Variants in PCDHGB3 observed in about 807,000 individuals in gnomAD.
PCDHGB3 encodes protocadherin gamma subfamily B, 3, also known as protocadherin gamma-B3.
In PCDHGB3, 40 loss-of-function variants were observed where a neutral mutation model predicts 59.2. That is an observed-to-expected ratio of 0.68 (90% confidence interval 0.52 to 0.88). PCDHGB3 has a LOEUF of 0.88. Among genes scored for constraint, PCDHGB3 ranks in the 40% least tolerant of loss-of-function variants. The probability of loss-of-function intolerance (pLI) is 0.00; values close to 1 mark genes in which losing one functional copy is unlikely to be tolerated. For missense variants in PCDHGB3, 1,309 were observed against 1,187.9 expected, an observed-to-expected ratio of 1.10 and a Z score of -1.50; for synonymous variants, 581 against 503.6, an observed-to-expected ratio of 1.15 and a Z score of -2.06.
At chr5:141,414,949 G>C (rs774769957) in intron 1 of PCDHGB3, 13 of 1,613,978 alleles carry the variant, frequency 8.1e-6, no homozygotes, top group African/African-American at 1.3e-5. Context: ...CGGCTACCTG[G>C]TGACCAAGGT....
chr5:141,404,314 A>G (rs772060934), intron 1 of PCDHGB3: 1 of 1,613,922 alleles, frequency 6.2e-7, no homozygotes, highest in East Asian at 2.2e-5. Context: ...CTTTCTCTCA[A>G]GCCTCCTACT....
chr5:141,505,705 GAA>G (rs1250788277), intron 3 of PCDHGB3, among the ~76,000 whole-genome samples: 1 of 152,198 alleles, frequency 6.6e-6, no homozygotes, highest in Non-Finnish European at 1.5e-5. Flanking sequence ...AGCGAACAAG[GAA>G]AAGACTCATG....
chr5:141,443,443 G>A (rs2098388456), intron 1 of PCDHGB3, among the ~76,000 whole-genome samples: 1 of 152,124 alleles, frequency 6.6e-6, no homozygotes, highest in African/African-American at 2.4e-5. Flanking sequence ...CTGTGGTTGC[G>A]CTCCTGTACT....
intron 2 of PCDHGB3, 40 bp from the exon 3 acceptor site, chr5:141,505,353 G>T (rs376781305): frequency 1.7e-5 from 27 of 1,613,426 alleles, no homozygotes; most frequent in Non-Finnish European, 2.0e-5. Flanking sequence ...GAGCTGTGCC[G>T]GCCTGGGAGT....
At chr5:141,428,750 C>G (rs1282306626) in intron 1 of PCDHGB3, 1 of 154,730 alleles carries the variant, frequency 6.5e-6, no homozygotes, top group African/African-American at 2.4e-5. Flanking sequence ...ACTATTGCTT[C>G]AGGTTTGTTT....
chr5:141,421,078 C>T (rs11575964), intron 1 of PCDHGB3: 20,754 of 627,892 alleles, frequency 0.033, 387 homozygotes, highest in Middle Eastern at 0.088. Context: ...GAGATGGATA[C>T]TCACAGATCC....
rs776990176 is a variant in PCDHGB3 at position 141,485,136 on chromosome 5, C to A, written c.2416-9671C>A. ...GTTTGGGGCGGGTCGGCTTCATCCG[C>A]GTCTCAGGAGCAAGTAGAGAATTAG... On this transcript the variant is annotated intron_variant, in intron 1 of 3. Transcript: ENST00000576222. The surrounding 1 kb of genome is among the most constrained non-coding windows in gnomAD (Gnocchi z 5.7). The A allele has an allele frequency of 4.0e-6, 6 of 1,502,706 alleles. No individual in the cohort carries two copies. The South Asian group carries it at 5.9e-5, about 15-fold the overall frequency. The allele number at this position is 1,502,706 out of a possible 1,614,324, so 93.1% of individuals were successfully genotyped here.
chr5:141,481,877 G>A (rs535267598), intron 1 of PCDHGB3, among the ~76,000 whole-genome samples: 4 of 144,402 alleles, frequency 2.8e-5, no homozygotes, highest in African/African-American at 7.8e-5. Context: ...TCGCGCCACT[G>A]CACTCCAGCC....
At chr5:141,403,334 G>T (rs2094392979) in intron 1 of PCDHGB3, 2 of 1,613,972 alleles carry the variant, frequency 1.2e-6, no homozygotes, top group Non-Finnish European at 1.7e-6. Flanking sequence ...TGATATTAAC[G>T]ACAGCGCCCC....
intron 1 of PCDHGB3, chr5:141,385,673 C>T (rs1253807650): frequency 2.6e-6 from 1 of 384,964 alleles, no homozygotes; most frequent in Non-Finnish European, 3.8e-6. Context: ...TAAAACACAC[C>T]TCAGCTGTCT....
intron 1 of PCDHGB3, among the ~76,000 whole-genome samples, chr5:141,438,036 C>T (rs1299733977): frequency 4.6e-5 from 7 of 152,026 alleles, no homozygotes; most frequent in South Asian, 2.1e-4. Flanking sequence ...CCACCATGCC[C>T]GACCACTTTG....
intron 3 of PCDHGB3, among the ~76,000 whole-genome samples, chr5:141,508,855 C>T (rs2099872444): frequency 6.6e-6 from 1 of 152,020 alleles, no homozygotes; most frequent in Non-Finnish European, 1.5e-5. Flanking sequence ...CATTCCCAGG[C>T]TGGGAAAGGC....
intron 1 of PCDHGB3, chr5:141,383,383 G>A: frequency 6.2e-7 from 1 of 1,614,036 alleles, no homozygotes; most frequent in Non-Finnish European, 8.5e-7. Flanking sequence ...GGATCCAGAT[G>A]TGGGCACGAA....
At position 141,372,359 on chromosome 5, in the gene PCDHGB3, A is replaced by T; in HGVS notation, c.1965A>T (p.Ser655=). The change falls in exon 1 of 4, where the codon TCA becomes TCT. Residue 655 remains serine, a synonymous_variant. Coordinates refer to ENST00000576222, the MANE Select transcript of PCDHGB3 (RefSeq NM_018924.5). ...GTGATGGAGGACAGCAGCCTCTTTC[A>T]GCCACCGTCATGCTGCACCTAATCT... ...TVRDGGQQPL[S]ATVMLHLIFA... 6.2e-7 allele frequency: 1 copy of T among 1,613,954 alleles called. No homozygotes were observed. The highest frequency in any genetic ancestry group is 8.5e-7 in the Non-Finnish European group (1 of 1,179,908).
chr5:141,422,670 C>CA (rs754910458), intron 1 of PCDHGB3: 6 of 1,607,126 alleles, frequency 3.7e-6, no homozygotes, highest in Non-Finnish European at 1.7e-6. Flanking sequence ...TCGACCCGGA[C>CA]AGCAAACAGA....
chr5:141,506,177 G>T (rs1024892091), intron 3 of PCDHGB3, among the ~76,000 whole-genome samples: 4 of 152,142 alleles, frequency 2.6e-5, no homozygotes, highest in African/African-American at 9.7e-5. Context: ...TAAGCTGGGC[G>T]TGGTGGCTCA....
chr5:141,395,558 G>A (rs60237573), intron 1 of PCDHGB3: 1 of 127,936 alleles, frequency 7.8e-6, no homozygotes, highest in South Asian at 2.0e-4. Flanking sequence ...GTGTGTGTGT[G>A]TGTGTGTGTG....
At position 141,477,020 on chromosome 5, in the gene PCDHGB3, G is replaced by A; in HGVS notation, c.2416-17787G>A. The A allele has an allele frequency of 6.2e-7, 1 of 1,614,224 alleles. No individual in the cohort carries two copies. Among genetic ancestry groups the A allele is most frequent in the Non-Finnish European group, 8.5e-7 (1 of 1,180,048 alleles). ...ACTATTCGCCTTAGACCTTGTAACC[G>A]GGATGCTGACAATCAAGGGTCGGCT... On this transcript the variant is annotated intron_variant, in intron 1 of 3. Transcript: ENST00000576222. This position sits in a 1 kb window ranked among gnomAD's most constrained non-coding sequence, Gnocchi z 4.9.
intron 1 of PCDHGB3, among the ~76,000 whole-genome samples, chr5:141,470,212 C>A (rs756256854): frequency 2.0e-5 from 3 of 152,116 alleles, no homozygotes; most frequent in Non-Finnish European, 4.4e-5. Context: ...AAGGCTAAAC[C>A]ATTCAGCTTC....
Sources: gnomAD v4.1 joint callset for allele counts (sites outside exome capture counted in the v4.1 genomes callset) on GRCh38, gnomAD v4.1.1 for gene constraint, Gnocchi (gnomAD v3.1) non-coding constraint, MANE v1.5 for transcripts, NCBI Gene and HGNC (gene_info 2026-07-23, HGNC 2026-07-21) for gene names.